SLC35E4: variants seen among roughly 807,000 people sequenced by gnomAD.
The protein encoded by SLC35E4 is solute carrier family 35, member E4.
A neutral mutation model predicts 19.3 loss-of-function variants in SLC35E4; 15 were observed. That is an observed-to-expected ratio of 0.78 (90% CI 0.52 to 1.20). The LOEUF is 1.20. Ranked by LOEUF, SLC35E4 falls within the 50% of genes most tolerant of loss-of-function variation. The probability of loss-of-function intolerance (pLI) is 0.00; values close to 1 mark genes in which losing one functional copy is unlikely to be tolerated. For missense variants in SLC35E4, 406 were observed against 472.3 expected (o/e 0.86, Z 1.30); for synonymous variants, 219 against 219.9 (o/e 1.00, Z 0.04).
chr22:30,646,571 G>A (rs771554467), intron 1 of SLC35E4, 27 bp from the exon 2 acceptor site: 2 of 1,576,008 alleles, frequency 1.3e-6, no homozygotes, highest in East Asian at 4.5e-5. Context: ...GTCCTTCTGG[G>A]TGCTCATGGC....
chr22:30,635,787 C>A lies in SLC35E4; in HGVS notation c.-664C>A, dbSNP rs1005909318. On this transcript the variant is annotated 5_prime_UTR_variant, in exon 1 of 2. Coordinates refer to ENST00000343605, the MANE Select transcript of SLC35E4 (RefSeq NM_001001479.4). ...GCCTGAGCTGGAGCCGGGCGTGAGT[C>A]GCAGCAGGAGCCGCAGCCGGAGTCA... 1.9e-5 allele frequency: 3 copies of A among 155,754 alleles called. No individual in the cohort carries two copies. In the South Asian group the frequency reaches 5.4e-4, roughly 28 times the overall value. 9.6% of individuals were successfully genotyped at this position (155,754 alleles called of 1,614,324 possible).
intron 2 of SLC35E4, among the ~76,000 whole-genome samples, chr22:30,656,662 A>G (rs1602092704): frequency 6.6e-6 from 1 of 152,160 alleles, no homozygotes; most frequent in Non-Finnish European, 1.5e-5. Flanking sequence ...AGGTTGTCTG[A>G]GTAAAAGGCT....
chr22:30,648,486 T>C (rs2088167181), downstream of SLC35E4, among the ~76,000 whole-genome samples: 1 of 152,138 alleles, frequency 6.6e-6, no homozygotes, highest in Non-Finnish European at 1.5e-5. Flanking sequence ...GCGCGGTGGC[T>C]CACACCTGTA....
downstream of SLC35E4, chr22:30,665,539 C>G (rs1361802179): frequency 2.1e-6 from 1 of 470,854 alleles, no homozygotes; most frequent in African/African-American, 2.0e-5. Flanking sequence ...GTCTGAGGAG[C>G]CTTAAGATAT....
chr22:30,654,319 T>C, intron 2 of SLC35E4: 1 of 462,388 alleles, frequency 2.2e-6, no homozygotes, highest in Non-Finnish European at 4.3e-6. Flanking sequence ...GTAGTGGATC[T>C]TGGCCTTCTC....
At chr22:30,656,334 G>A (rs540750402) in intron 2 of SLC35E4, among the ~76,000 whole-genome samples, 2 of 152,208 alleles carry the variant, frequency 1.3e-5, no homozygotes, top group South Asian at 2.1e-4. Flanking sequence ...TGTGCTTCAA[G>A]GTCAAGAGCT....
intron 2 of SLC35E4, among the ~76,000 whole-genome samples, chr22:30,656,725 G>A (rs943191624): frequency 2.0e-5 from 3 of 152,130 alleles, no homozygotes; most frequent in Non-Finnish European, 4.4e-5. Context: ...AAAGGACGTG[G>A]ACCCTCTCAA....
intron 1 of SLC35E4, among the ~76,000 whole-genome samples, chr22:30,644,901 A>G (rs2088102858): frequency 6.6e-6 from 1 of 152,182 alleles, no homozygotes; most frequent in African/African-American, 2.4e-5. Context: ...CAAAGCAGCA[A>G]GATCCCCTCC....
At chr22:30,641,718 A>ATTTTTT in intron 1 of SLC35E4, among the ~76,000 whole-genome samples, 1 of 108,948 alleles carries the variant, frequency 9.2e-6, no homozygotes, top group South Asian at 3.2e-4. Context: ...CTAATTTTTA[A>ATTTTTT]TTTTTTTTTT....
intron 1 of SLC35E4, among the ~76,000 whole-genome samples, chr22:30,644,658 C>T (rs994309641): frequency 6.6e-6 from 1 of 152,114 alleles, no homozygotes; most frequent in Non-Finnish European, 1.5e-5. Context: ...AAGGGAGGAT[C>T]GCTTGAGCTC....
chr22:30,656,149 A>T (rs1236221394), intron 2 of SLC35E4, among the ~76,000 whole-genome samples: 32 of 150,560 alleles, frequency 2.1e-4, no homozygotes, highest in Non-Finnish European at 2.2e-4. Flanking sequence ...TTTTTTTTTT[A>T]AACTTTTTGT....
At chr22:30,663,939 T>C, downstream of SLC35E4, 2 of 1,614,208 alleles carry the variant, frequency 1.2e-6, no homozygotes, top group Non-Finnish European at 1.7e-6. Context: ...TTTGGTTATC[T>C]GCGAGAGGCC....
rs573286084 is a variant in SLC35E4, at chr22:30,644,668, C to T, written c.620-1930C>T. On this transcript the variant is annotated intron_variant, in intron 1 of 1. Transcript: ENST00000343605. ...CTGAGAAGGGAGGATCGCTTGAGCT[C>T]GGAAGGCAGTAAACTGACATCGTAC... Among the ~76,000 whole-genome samples the T allele has an allele frequency of 2.0e-4, 31 of 152,152 alleles. 1 individual carries two copies. In the South Asian group the frequency reaches 4.4e-3, roughly 21 times the overall value.
chr22:30,651,367 A>ATTC (rs2088206579), downstream of SLC35E4, among the ~76,000 whole-genome samples: 1 of 77,012 alleles, frequency 1.3e-5, no homozygotes, highest in African/African-American at 5.8e-5. Context: ...CACGTGGCTA[A>ATTC]TTTTTGTGTG....
chr22:30,651,555 C>G (rs1306183372), downstream of SLC35E4, among the ~76,000 whole-genome samples: 1 of 146,426 alleles, frequency 6.8e-6, no homozygotes, highest in African/African-American at 2.6e-5. Context: ...GCTAGGATTA[C>G]AGGCGTGAGC....
chr22:30,666,483 G>A (rs1159804066), downstream of SLC35E4, among the ~76,000 whole-genome samples: 3 of 152,142 alleles, frequency 2.0e-5, no homozygotes, highest in East Asian at 1.9e-4. Flanking sequence ...TTAGCCAGGC[G>A]TGGTGGCATG....
chr22:30,637,804 T>C (rs988054108), intron 1 of SLC35E4, among the ~76,000 whole-genome samples: 1 of 152,148 alleles, frequency 6.6e-6, no homozygotes, highest in Non-Finnish European at 1.5e-5. Context: ...TAAACCCAGA[T>C]AGTCAGACTC....
Position 30,636,461 on chromosome 22 carries a change from G to A in SLC35E4, c.11G>A (p.Cys4Tyr). ...GCCTCACTGGTGCGGATGTGCCGCT[G>A]CCCGCCGGAGCACCATGATGGCAGG... MCR[C>Y]PPEHHDGRMT... The change falls in exon 1 of 2, where the codon TGC (cysteine) becomes TAC (tyrosine). Residue 4 changes from cysteine to tyrosine, a missense_variant. Cys to Tyr is a radical substitution (Grantham distance 194). Transcript: ENST00000343605. The A allele has an allele frequency of 6.7e-7, 1 of 1,489,206 alleles. No homozygotes were observed. Among genetic ancestry groups the A allele is most frequent in the Non-Finnish European group, 9.0e-7 (1 of 1,112,558 alleles). The allele number at this position is 1,489,206 out of a possible 1,614,324, so 92.2% of individuals were successfully genotyped here.
Position 30,636,094 on chromosome 22 carries a change from G to A in SLC35E4, c.-357G>A, listed in dbSNP as rs991007829. The A allele has an allele frequency of 4.3e-6, 1 of 233,582 alleles. No homozygotes were observed. The highest frequency in any genetic ancestry group is 2.3e-5 in the African/African-American group (1 of 44,268). The allele number at this position is 233,582 out of a possible 1,614,324, so 14.5% of individuals were successfully genotyped here. A position where few individuals can be genotyped will look rare whatever the true frequency, so the allele number is the denominator to read the frequency against. On this transcript the variant is annotated 5_prime_UTR_variant, in exon 1 of 2. Transcript: ENST00000343605. Reference sequence around the variant, plus strand: ...CGCGCACCCTAATGACCTGGGGACTGAAGAGAAAAAAGGAACGAGGATTTC... The same window carrying A: ...CGCGCACCCTAATGACCTGGGGACTAAAGAGAAAAAAGGAACGAGGATTTC...
Sources: gnomAD v4.1 joint callset for allele counts (sites outside exome capture counted in the v4.1 genomes callset) on GRCh38, gnomAD v4.1.1 for gene constraint, MANE v1.5 for transcripts, NCBI Gene and HGNC (gene_info 2026-07-23, HGNC 2026-07-21) for gene names.